LRRC20: variants seen among roughly 807,000 people sequenced by gnomAD.
LRRC20 encodes leucine-rich repeat-containing protein 20.
A neutral mutation model predicts 14.4 loss-of-function variants in LRRC20; 11 were observed. That is an observed-to-expected ratio of 0.77 (90% CI 0.48 to 1.27). LRRC20 has a LOEUF of 1.27. LRRC20 is among the 50% of genes most tolerant of loss of function. The probability of loss-of-function intolerance (pLI) is 0.00; values close to 1 mark genes in which losing one functional copy is unlikely to be tolerated. For synonymous variants in LRRC20, 121 were observed against 107.3 expected, an observed-to-expected ratio of 1.13 and a Z score of -0.79; for missense variants, 219 against 251.2, an observed-to-expected ratio of 0.87 and a Z score of 0.87.
At chr10:70,326,494 T>G (rs1464897917) in intron 3 of LRRC20, among the ~76,000 whole-genome samples, 1 of 152,182 alleles carries the variant, frequency 6.6e-6, no homozygotes, top group African/African-American at 2.4e-5. Flanking sequence ...TCTTCTCCCC[T>G]CAGGAGGCAG....
At chr10:70,333,039 A>G in intron 3 of LRRC20, among the ~76,000 whole-genome samples, 1 of 152,228 alleles carries the variant, frequency 6.6e-6, no homozygotes, top group East Asian at 1.9e-4. Context: ...GTGCTTGGGA[A>G]TGGGTAAGAA....
intron 1 of LRRC20, among the ~76,000 whole-genome samples, chr10:70,377,600 G>A (rs1004598644): frequency 1.1e-4 from 16 of 152,114 alleles, no homozygotes; most frequent in Non-Finnish European, 1.5e-4. Flanking sequence ...CCAGACCCCA[G>A]TCCCAGCTTC....
chr10:70,350,555 G>T (rs551044544), intron 2 of LRRC20, among the ~76,000 whole-genome samples: 8 of 152,334 alleles, frequency 5.3e-5, no homozygotes, highest in Admixed American at 2.0e-4. Context: ...CTGGAATTCA[G>T]GAGCGCCTGA....
At chr10:70,360,978 C>A (rs1270522534) in intron 2 of LRRC20, among the ~76,000 whole-genome samples, 2 of 150,028 alleles carry the variant, frequency 1.3e-5, no homozygotes, top group African/African-American at 2.5e-5. Context: ...TGAGCCTAGA[C>A]GGTTGAGGCT....
intron 2 of LRRC20, 68 bp from the exon 3 acceptor site, chr10:70,340,770 C>T (rs138005096): frequency 6.5e-7 from 1 of 1,546,492 alleles, no homozygotes; most frequent in East Asian, 2.3e-5. Flanking sequence ...GTCCCAGACT[C>T]ACACAGACCC....
rs532337633 is a variant in LRRC20, at chr10:70,361,741, A to G, written c.82+14711T>C. On this transcript the variant is annotated intron_variant, in intron 2 of 4. Transcript: ENST00000446961. ...CACCCTCCCATCCCATCCTCTGCAG[A>G]ACGGTACACAGACACAGGACACAGT... Among the ~76,000 whole-genome samples, 9 of 151,434 alleles carry G rather than the reference A, an allele frequency of 5.9e-5. No homozygotes were observed. The South Asian group carries it at 1.9e-3, about 32-fold the overall frequency.
intron 4 of LRRC20, among the ~76,000 whole-genome samples, chr10:70,319,086 C>A (rs548881210): frequency 1.3e-5 from 2 of 150,716 alleles, no homozygotes; most frequent in African/African-American, 4.9e-5. Context: ...GAATTACAGG[C>A]GTGAGCCACC....
intron 4 of LRRC20, among the ~76,000 whole-genome samples, chr10:70,305,987 A>G (rs970762178): frequency 1.3e-5 from 2 of 151,874 alleles, no homozygotes; most frequent in Non-Finnish European, 2.9e-5. Flanking sequence ...TGATCTGCCC[A>G]CCTCTGCCTC....
intron 3 of LRRC20, among the ~76,000 whole-genome samples, chr10:70,327,734 A>T (rs992958551): frequency 1.3e-5 from 2 of 152,278 alleles, no homozygotes; most frequent in African/African-American, 4.8e-5. Context: ...AGGTGAAATA[A>T]CTTGCCCAAG....
At position 70,300,149 on chromosome 10, in the gene LRRC20, TGAG is replaced by T. The variant is rs1270064753; in HGVS notation, c.*1202_*1204del. 4 of 156,606 alleles carry T rather than the reference TGAG, an allele frequency of 2.6e-5. No individual in the cohort carries two copies. Among genetic ancestry groups the T allele is most frequent in the East Asian group, 1.9e-4 (1 of 5,200 alleles). The allele number at this position is 156,606 out of a possible 1,614,324, so 9.7% of individuals were successfully genotyped here. A position where few individuals can be genotyped will look rare whatever the true frequency, so the allele number is the denominator to read the frequency against. On this transcript the variant is annotated 3_prime_UTR_variant, in exon 5 of 5. Transcript: ENST00000446961. The stretch of plus-strand genomic sequence containing the variant: ...GCACTGAGTTGGCTTGCTCCACAGA[TGAG>T]GAGAAGGTGGGAGGTAGATACCTGA...
intron 1 of LRRC20, among the ~76,000 whole-genome samples, chr10:70,380,704 T>A (rs959402641): frequency 6.6e-6 from 1 of 152,250 alleles, no homozygotes; most frequent in African/African-American, 2.4e-5. Context: ...TCACACTGCC[T>A]ACATCCTCAA....
chr10:70,337,797 A>AG (rs1842768919), intron 3 of LRRC20, among the ~76,000 whole-genome samples: 1 of 152,118 alleles, frequency 6.6e-6, no homozygotes, highest in Admixed American at 6.5e-5. Context: ...TGGTCTCCTC[A>AG]GGGGGAGACC....
intron 2 of LRRC20, among the ~76,000 whole-genome samples, chr10:70,372,505 A>C (rs1413847033): frequency 2.7e-5 from 4 of 145,578 alleles, no homozygotes; most frequent in Admixed American, 1.4e-4. Context: ...CCAGTGGCGC[A>C]ATCTCAGCTC....
At chr10:70,347,909 G>T (rs567848036) in intron 2 of LRRC20, among the ~76,000 whole-genome samples, 4 of 151,586 alleles carry the variant, frequency 2.6e-5, no homozygotes, top group African/African-American at 7.3e-5. Flanking sequence ...CTGACACACC[G>T]CAAGGCCACA....
At chr10:70,338,538 A>T (rs1376775727) in intron 3 of LRRC20, among the ~76,000 whole-genome samples, 1 of 152,172 alleles carries the variant, frequency 6.6e-6, no homozygotes, top group Non-Finnish European at 1.5e-5. Context: ...CCCAGTTGAT[A>T]GACATTTGGG....
At chr10:70,354,584 C>A (rs920590910) in intron 2 of LRRC20, among the ~76,000 whole-genome samples, 1 of 152,146 alleles carries the variant, frequency 6.6e-6, no homozygotes, top group Non-Finnish European at 1.5e-5. Context: ...CATCACTGGC[C>A]TAGAGGGGCC....
intron 2 of LRRC20, among the ~76,000 whole-genome samples, chr10:70,345,608 C>T (rs6480453): frequency 0.41 from 62,121 of 151,842 alleles, 12,949 homozygotes; most frequent in East Asian, 0.58. Context: ...TTAAGACCAC[C>T]TGAGAAGGAA....
chr10:70,316,351 T>G (rs775062442), intron 4 of LRRC20, among the ~76,000 whole-genome samples: 1 of 152,162 alleles, frequency 6.6e-6, no homozygotes, highest in Non-Finnish European at 1.5e-5. Context: ...CAGGCCAGAC[T>G]CAAACTCCTG....
intron 4 of LRRC20, among the ~76,000 whole-genome samples, chr10:70,310,674 T>C (rs1209392447): frequency 6.6e-6 from 1 of 152,224 alleles, no homozygotes; most frequent in Non-Finnish European, 1.5e-5. Flanking sequence ...AACTAGACCA[T>C]GAGTCCCTTC....
Sources: gnomAD v4.1 joint callset for allele counts (sites outside exome capture counted in the v4.1 genomes callset) on GRCh38, gnomAD v4.1.1 for gene constraint, MANE v1.5 for transcripts, NCBI Gene and HGNC (gene_info 2026-07-23, HGNC 2026-07-21) for gene names.